The following RBFOX1 variants were observed in gnomAD, a reference collection of about 807,000 sequenced individuals.
The protein encoded by RBFOX1 is RNA binding fox-1 homolog 1.
A neutral mutation model predicts 57.7 loss-of-function variants in RBFOX1; 8 were observed. That is an observed-to-expected ratio of 0.14 (90% CI 0.08 to 0.25). The LOEUF (loss-of-function observed/expected upper bound fraction) is 0.25. Among genes scored for constraint, RBFOX1 ranks in the 10% least tolerant of loss-of-function variants. The pLI is 1.00. For synonymous variants in RBFOX1, 326 were observed against 222.4 expected (o/e 1.47, Z -4.15); for missense variants, 611 against 548.5 (o/e 1.11, Z -1.14).
intron 4 of RBFOX1, among the ~76,000 whole-genome samples, chr16:7,348,696 C>T (rs1603626531): frequency 6.6e-6 from 1 of 152,326 alleles, no homozygotes; most frequent in East Asian, 1.9e-4. Flanking sequence ...AATCCCAGCA[C>T]TTTGGGAGGC....
intron 3 of RBFOX1, among the ~76,000 whole-genome samples, chr16:6,868,578 TCTC>T (rs774249118): frequency 2.0e-5 from 3 of 152,022 alleles, no homozygotes; most frequent in Non-Finnish European, 4.4e-5. Flanking sequence ...TTCAAGCAAT[TCTC>T]CTGCTTTAGC....
intron 3 of RBFOX1, among the ~76,000 whole-genome samples, chr16:7,017,240 T>C (rs2093961532): frequency 1.3e-5 from 2 of 152,164 alleles, no homozygotes; most frequent in Admixed American, 1.3e-4. Context: ...CTAAACAAAA[T>C]GTGCAGCCTC....
At chr16:6,590,113 G>A (rs1567795045) in intron 2 of RBFOX1, among the ~76,000 whole-genome samples, 1 of 152,190 alleles carries the variant, frequency 6.6e-6, no homozygotes, top group Non-Finnish European at 1.5e-5. Flanking sequence ...CGTTTTGTAA[G>A]CATCACCATT....
intron 3 of RBFOX1, among the ~76,000 whole-genome samples, chr16:7,032,252 C>A (rs1041974638): frequency 1.3e-5 from 2 of 151,860 alleles, no homozygotes; most frequent in African/African-American, 2.4e-5. Context: ...TGGTGAAACC[C>A]CATCTCTACT....
chr16:7,282,474 A>G (rs916961969), intron 4 of RBFOX1, among the ~76,000 whole-genome samples: 1 of 152,152 alleles, frequency 6.6e-6, no homozygotes. Flanking sequence ...TGGATATTAG[A>G]AGTTATCAGG....
At chr16:7,083,513 G>C (rs2059516448) in intron 4 of RBFOX1, among the ~76,000 whole-genome samples, 1 of 152,056 alleles carries the variant, frequency 6.6e-6, no homozygotes, top group African/African-American at 2.4e-5. Flanking sequence ...AGGCCATGAA[G>C]TATAGCCTGT....
At chr16:7,324,201 C>T (rs1019012944) in intron 4 of RBFOX1, among the ~76,000 whole-genome samples, 1 of 152,124 alleles carries the variant, frequency 6.6e-6, no homozygotes, top group African/African-American at 2.4e-5. Context: ...CAAAGTATGC[C>T]TTGCAAGATG....
chr16:7,173,502 T>TC (rs1382677087), intron 4 of RBFOX1, among the ~76,000 whole-genome samples: 1 of 151,910 alleles, frequency 6.6e-6, no homozygotes, highest in Non-Finnish European at 1.5e-5. Flanking sequence ...CTTTTTTTTT[T>TC]CTCTCAGAAG....
chr16:5,551,903 T>C (rs2045480947), intron 2 of RBFOX1, among the ~76,000 whole-genome samples: 1 of 151,986 alleles, frequency 6.6e-6, no homozygotes. Flanking sequence ...TGGTTTTCTG[T>C]TCCTGTGTGA....
chr16:7,027,458 T>C (rs1281180539), intron 3 of RBFOX1, among the ~76,000 whole-genome samples: 2 of 152,106 alleles, frequency 1.3e-5, no homozygotes, highest in South Asian at 2.1e-4. Flanking sequence ...GAGGTACAGA[T>C]TGGGTAGGTA....
chr16:6,579,999 C>T (rs1033561009), intron 2 of RBFOX1, among the ~76,000 whole-genome samples: 1 of 152,004 alleles, frequency 6.6e-6, no homozygotes, highest in Non-Finnish European at 1.5e-5. Context: ...TGCTCTGTCG[C>T]CCAGGCTGGA....
intron 3 of RBFOX1, among the ~76,000 whole-genome samples, chr16:6,922,008 C>T (rs7191329): frequency 1.3e-5 from 2 of 152,066 alleles, no homozygotes; most frequent in African/African-American, 2.4e-5. Flanking sequence ...TGCCTAACAC[C>T]TTGTGGCTAT....
intron 2 of RBFOX1, among the ~76,000 whole-genome samples, chr16:5,597,743 C>T (rs187892969): frequency 6.6e-6 from 1 of 152,010 alleles, no homozygotes; most frequent in Non-Finnish European, 1.5e-5. Flanking sequence ...TTGATGGTGG[C>T]CAGCTTTAAC....
At chr16:6,117,146 G>T (rs1489395263) in intron 1 of RBFOX1, among the ~76,000 whole-genome samples, 2 of 152,126 alleles carry the variant, frequency 1.3e-5, no homozygotes, top group Non-Finnish European at 2.9e-5. Flanking sequence ...TCCATTCTTG[G>T]GTAAGCCAGA....
chr16:6,731,111 T>G (rs1395609583), intron 3 of RBFOX1, among the ~76,000 whole-genome samples: 1 of 152,126 alleles, frequency 6.6e-6, no homozygotes, highest in East Asian at 1.9e-4. Context: ...TATTCCTCCC[T>G]TGGAAAGCCT....
At chr16:5,565,779 T>C (rs1197529139) in intron 2 of RBFOX1, among the ~76,000 whole-genome samples, 1 of 152,180 alleles carries the variant, frequency 6.6e-6, no homozygotes, top group Non-Finnish European at 1.5e-5. Flanking sequence ...GTAGCCAGTC[T>C]ACTTGAGGCT....
chr16:6,829,336 G>C (rs2092503766), intron 3 of RBFOX1, among the ~76,000 whole-genome samples: 1 of 151,510 alleles, frequency 6.6e-6, no homozygotes, highest in Non-Finnish European at 1.5e-5. Context: ...AAGGAGGCAA[G>C]AATATGTGAG....
intron 1 of RBFOX1, among the ~76,000 whole-genome samples, chr16:5,355,208 A>G (rs1043904186): frequency 6.6e-6 from 1 of 152,160 alleles, no homozygotes; most frequent in Non-Finnish European, 1.5e-5. Context: ...CCAAACTTGC[A>G]TCATTCTGTG....
At chr16:6,447,039 G>C (rs995398979) in intron 2 of RBFOX1, among the ~76,000 whole-genome samples, 15 of 152,104 alleles carry the variant, frequency 9.9e-5, no homozygotes, top group African/African-American at 3.6e-4. Flanking sequence ...CAAGTCTAGG[G>C]AAACATGAAA....
Sources: gnomAD v4.1 joint callset for allele counts (sites outside exome capture counted in the v4.1 genomes callset) on GRCh38, gnomAD v4.1.1 for gene constraint, MANE v1.5 for transcripts, NCBI Gene and HGNC (gene_info 2026-07-23, HGNC 2026-07-21) for gene names.